The following CRNKL1 variants were observed in gnomAD, a reference collection of about 807,000 sequenced individuals.
CRNKL1 encodes crooked neck-like protein 1.
A neutral mutation model predicts 103.7 loss-of-function variants in CRNKL1; 35 were observed. The ratio of observed to expected loss-of-function variants is 0.34; its 90% confidence interval spans 0.26 to 0.45. The LOEUF is 0.45. Ranked by LOEUF, CRNKL1 falls within the 20% of genes least tolerant of loss-of-function variation. CRNKL1 has a pLI of 1.00. For synonymous variants in CRNKL1, 267 were observed against 282.6 expected, an observed-to-expected ratio of 0.94 and a Z score of 0.55; for missense variants, 645 against 836.0, an observed-to-expected ratio of 0.77 and a Z score of 2.82.
At position 20,036,769 on chromosome 20, in the gene CRNKL1, T is replaced by G. The variant is rs547344764; in HGVS notation, c.1897-407A>C. Among the ~76,000 whole-genome samples, 42 of 152,342 alleles carry G rather than the reference T, an allele frequency of 2.8e-4. 1 individual carries two copies. Among genetic ancestry groups the G allele is most frequent in the African/African-American group, 9.9e-4 (41 of 41,582 alleles). ...TCCTCACCTCCTATCAGTCACTGAT[T>G]TCACTTCCCAAATATTGTTCTAACA... On this transcript the variant is annotated intron_variant, in intron 13 of 13. Transcript: ENST00000536226.
intron 13 of CRNKL1, among the ~76,000 whole-genome samples, chr20:20,036,640 G>A (rs564409140): frequency 6.6e-6 from 1 of 152,300 alleles, no homozygotes; most frequent in East Asian, 1.9e-4. Flanking sequence ...ACTACATTGT[G>A]CAGTCTTACA....
rs75558426 is a variant in CRNKL1, at chr20:20,040,311, C to T, written c.1305+375G>A. 7.5e-5 allele frequency among the ~76,000 whole-genome samples: 4 copies of T among 53,210 alleles called. No homozygotes were observed. The South Asian group carries it at 2.1e-3, about 28-fold the overall frequency. 34.9% of individuals were successfully genotyped at this position (53,210 alleles called of 152,430 possible). ...TGGGGAACAGAGCGAGACCCTGTCT[C>T]AAAAAAAAACCAAACAAACAAAAAA... On this transcript the variant is annotated intron_variant, in intron 10 of 13. Coordinates refer to ENST00000536226, the MANE Select transcript of CRNKL1 (RefSeq NM_001278628.2).
chr20:20,047,664 G>T, intron 5 of CRNKL1, 101 bp downstream of exon 5: 2 of 1,149,468 alleles, frequency 1.7e-6, no homozygotes, highest in Non-Finnish European at 2.4e-6. Context: ...CTTTGAGCCT[G>T]ACATTAATGA....
At chr20:20,049,856 C>T (rs941443251) in intron 2 of CRNKL1, among the ~76,000 whole-genome samples, 5 of 151,182 alleles carry the variant, frequency 3.3e-5, no homozygotes, top group Middle Eastern at 6.8e-3. Flanking sequence ...CTTGCTCTGT[C>T]GCCCAGGCTG....
chr20:20,042,477 G>C lies in CRNKL1; in HGVS notation c.1012C>G (p.Arg338Gly). 6.2e-7 allele frequency: 1 copy of C among 1,613,816 alleles called. No homozygotes were observed. Among genetic ancestry groups the C allele is most frequent in the Non-Finnish European group, 8.5e-7 (1 of 1,179,906 alleles). The change falls in exon 8 of 14, where the codon CGC becomes GGC. Residue 338 changes from arginine (R) to glycine (G), a missense_variant. By Grantham distance (125) the Arg-to-Gly change is moderately radical. Around this residue, in one of 2 missense-constraint regions of CRNKL1, gnomAD observed 582 missense variants for 707.7 expected, o/e 0.82. Transcript: ENST00000536226. Reference protein sequence around the residue: ...HNYDAWFDYLRLVESDAEAEA... With the variant: ...HNYDAWFDYLGLVESDAEAEA... ...GCTTCTGCGTCACTTTCTACCAAGCGCAAGTAATCAAACCATGCATCATAA... is the reference window on the plus strand; with the variant it reads ...GCTTCTGCGTCACTTTCTACCAAGCCCAAGTAATCAAACCATGCATCATAA...
At chr20:20,039,227 T>C (rs1187398367) in intron 11 of CRNKL1, among the ~76,000 whole-genome samples, 1 of 152,194 alleles carries the variant, frequency 6.6e-6, no homozygotes, top group Admixed American at 6.5e-5. Context: ...GACATCCTGG[T>C]TTAGAGAATA....
At chr20:20,048,774 G>A (rs2043635182) in intron 3 of CRNKL1, among the ~76,000 whole-genome samples, 2 of 152,220 alleles carry the variant, frequency 1.3e-5, no homozygotes, top group African/African-American at 4.8e-5. Flanking sequence ...GGTGGAAAAG[G>A]CTAAGTAGTA....
intron 3 of CRNKL1, 126 bp downstream of exon 3, chr20:20,049,214 C>T: frequency 1.6e-6 from 1 of 619,296 alleles, no homozygotes. Context: ...TTCCATGGAA[C>T]CAAAGTTGAA....
chr20:20,045,223 A>T, intron 6 of CRNKL1, 85 bp downstream of exon 6: 1 of 1,168,168 alleles, frequency 8.6e-7, no homozygotes, highest in South Asian at 1.7e-5. Flanking sequence ...TATGTCAGTA[A>T]GAAAAAATGG....
chr20:20,036,669 G>C (rs1048796720), intron 13 of CRNKL1, among the ~76,000 whole-genome samples: 23 of 152,174 alleles, frequency 1.5e-4, no homozygotes, highest in African/African-American at 4.3e-4. Flanking sequence ...AACGTTTAAC[G>C]ATCTTTACAT....
chr20:20,040,492 G>C (rs1166178579), intron 10 of CRNKL1, among the ~76,000 whole-genome samples, 194 bp downstream of exon 10: 1 of 152,142 alleles, frequency 6.6e-6, no homozygotes, highest in Non-Finnish European at 1.5e-5. Flanking sequence ...ATTTGCCCCA[G>C]GTAATAAGAA....
At chr20:20,036,671 T>C (rs2043423771) in intron 13 of CRNKL1, among the ~76,000 whole-genome samples, 1 of 152,244 alleles carries the variant, frequency 6.6e-6, no homozygotes, top group Non-Finnish European at 1.5e-5. Flanking sequence ...CGTTTAACGA[T>C]CTTTACATAA....
chr20:20,043,285 G>A (rs1273858627), intron 7 of CRNKL1, among the ~76,000 whole-genome samples: 3 of 152,210 alleles, frequency 2.0e-5, no homozygotes, highest in African/African-American at 7.2e-5. Context: ...GTAAGTGGCA[G>A]AGCAAATCCA....
chr20:20,048,259 TATC>T, intron 4 of CRNKL1, 81 bp downstream of exon 4: 1 of 1,453,218 alleles, frequency 6.9e-7, no homozygotes, highest in Admixed American at 1.9e-5. Flanking sequence ...CAAATTAAAC[TATC>T]ATCATGTAAA....
In CRNKL1 at chr20:20,040,710, A is replaced by C. The variant is rs905119335; in HGVS notation, c.1281T>G (p.Asn427Lys). 1 of 1,611,878 alleles carries C rather than the reference A, an allele frequency of 6.2e-7. No homozygotes were observed. ...LYAQFEIRQK[N>K]LSLARRALGT... Reference sequence around the variant, plus strand: ...CCAATGCTCTTCTGGCTAATGACAGATTCTTCTGTCGTATTTCAAACTGTG... The same window carrying C: ...CCAATGCTCTTCTGGCTAATGACAGCTTCTTCTGTCGTATTTCAAACTGTG... Residue 427 changes from asparagine to lysine, a missense_variant, in exon 10 of 14, where the codon AAT becomes AAG. Coordinates refer to ENST00000536226, the MANE Select transcript of CRNKL1 (RefSeq NM_001278628.2).
chr20:20,052,032 G>A (rs1293645400), intron 1 of CRNKL1, among the ~76,000 whole-genome samples: 2 of 152,142 alleles, frequency 1.3e-5, no homozygotes, highest in Non-Finnish European at 1.5e-5. Context: ...GCCCAGTGCA[G>A]TGCCTGGCTC....
intron 5 of CRNKL1, among the ~76,000 whole-genome samples, chr20:20,047,299 T>C (rs2043608694): frequency 6.6e-6 from 1 of 152,246 alleles, no homozygotes; most frequent in Non-Finnish European, 1.5e-5. Flanking sequence ...TTTTTGCTTA[T>C]TATTCCTTAA....
chr20:20,048,739 CAGAG>C (rs1391397276), intron 3 of CRNKL1, among the ~76,000 whole-genome samples: 2 of 152,076 alleles, frequency 1.3e-5, no homozygotes, highest in East Asian at 3.9e-4. Flanking sequence ...GCACGGGAAA[CAGAG>C]AGGAAGAAAT....
intron 5 of CRNKL1, among the ~76,000 whole-genome samples, chr20:20,046,525 T>C (rs2043596528): frequency 6.6e-6 from 1 of 152,208 alleles, no homozygotes; most frequent in Non-Finnish European, 1.5e-5. Flanking sequence ...ACTTAATTAT[T>C]GAGTACTGAA....
Sources: allele counts gnomAD v4.1 joint callset (sites outside exome capture counted in the v4.1 genomes callset), GRCh38; gene constraint gnomAD v4.1.1; regional missense constraint gnomAD v4.1.1; transcripts MANE v1.5; gene names NCBI Gene and HGNC (gene_info 2026-07-23, HGNC 2026-07-21).